Variants in OTOGL observed in about 807,000 individuals in gnomAD.
OTOGL encodes the protein otogelin-like protein.
In OTOGL, 285 loss-of-function variants were observed where a neutral mutation model predicts 318.5. That is an observed-to-expected ratio of 0.89 (90% CI 0.81 to 0.99). The LOEUF (loss-of-function observed/expected upper bound fraction) is 0.99, where lower values mean the gene tolerates loss of function less well. OTOGL is among the 50% of genes least tolerant of loss of function. The pLI, the probability that OTOGL is intolerant of heterozygous loss-of-function variation, is 0.00. For synonymous variants in OTOGL, 987 were observed against 936.5 expected (o/e 1.05, Z -0.99); for missense variants, 2,899 against 2,845.6 (o/e 1.02, Z -0.43).
At chr12:80,264,895 A>T in intron 19 of OTOGL, 106 bp from the exon 20 acceptor site, 1 of 1,161,906 alleles carries the variant, frequency 8.6e-7, no homozygotes, top group Non-Finnish European at 1.3e-6. Flanking sequence ...CTCTTGTATT[A>T]AAAGTAATAT....
At chr12:80,116,886 A>T (rs1870198309) in intron 1 of OTOGL, among the ~76,000 whole-genome samples, 1 of 152,212 alleles carries the variant, frequency 6.6e-6, no homozygotes, top group Admixed American at 6.5e-5. Context: ...CATTGCTCAA[A>T]TAATTCCATA....
chr12:80,363,218 G>T (rs1251067381), intron 52 of OTOGL, among the ~76,000 whole-genome samples: 1 of 152,038 alleles, frequency 6.6e-6, no homozygotes, highest in Non-Finnish European at 1.5e-5. Flanking sequence ...TAAGTTATGG[G>T]CAGTCATCAT....
At chr12:80,103,360 ATCT>A (rs1869259604) in intron 1 of OTOGL, 2 of 1,155,494 alleles carry the variant, frequency 1.7e-6, no homozygotes, top group African/African-American at 3.0e-5. Context: ...TCGGTGATCG[ATCT>A]TCTTTTCTTT....
chr12:80,108,783 A>ATG (rs1869615967), intron 1 of OTOGL, among the ~76,000 whole-genome samples: 3 of 126,058 alleles, frequency 2.4e-5, no homozygotes, highest in Non-Finnish European at 5.2e-5. Flanking sequence ...ATATATATAT[A>ATG]TATGTATATA....
In OTOGL at chr12:80,188,335, C is replaced by T. The variant is rs180803748; in HGVS notation, c.-19-21078C>T. The stretch of plus-strand genomic sequence containing the variant: ...CGGGCAGATCACGAGGTCAGGAGTT[C>T]GAGACCAGCCTGACCAACATGGTGA... On this transcript the variant is annotated intron_variant, in intron 1 of 58. Transcript: ENST00000547103. Among the ~76,000 whole-genome samples the T allele has an allele frequency of 6.1e-3, 930 of 151,848 alleles. 13 individuals carry two copies. The highest frequency in any genetic ancestry group is 0.021 in the African/African-American group (877 of 41,394).
intron 44 of OTOGL, among the ~76,000 whole-genome samples, chr12:80,351,962 T>C (rs1057233071): frequency 6.6e-6 from 1 of 152,240 alleles, no homozygotes; most frequent in African/African-American, 2.4e-5. Flanking sequence ...ATTTAATCTA[T>C]AATTTTTCAA....
At chr12:80,350,555 C>T (rs916424225) in intron 44 of OTOGL, among the ~76,000 whole-genome samples, 4 of 152,146 alleles carry the variant, frequency 2.6e-5, no homozygotes, top group Non-Finnish European at 4.4e-5. Flanking sequence ...CCTACATCCT[C>T]GCCAATGATC....
Position 80,356,340 on chromosome 12 carries a change from G to T in OTOGL, c.5807-76G>T, listed in dbSNP as rs559347610. 8.1e-5 allele frequency: 88 copies of T among 1,090,462 alleles called. No homozygotes were observed. The African/African-American group carries it at 1.4e-3, about 17-fold the overall frequency. 67.5% of individuals were successfully genotyped at this position (1,090,462 alleles called of 1,614,324 possible). ...TCTTTGAGTTTCCTGTCTTGAGTTG[G>T]CAGTCATTTCCCTGCTTTGAGTTGG... On this transcript the variant is annotated intron_variant, in intron 47 of 58. Coordinates refer to ENST00000547103, the MANE Select transcript of OTOGL (RefSeq NM_001378609.3).
At chr12:80,131,627 T>C (rs1871245873) in intron 1 of OTOGL, among the ~76,000 whole-genome samples, 1 of 152,190 alleles carries the variant, frequency 6.6e-6, no homozygotes. Flanking sequence ...GTGTGCTAGG[T>C]ACCATACAAT....
intron 43 of OTOGL, 47 bp downstream of exon 43, chr12:80,339,311 T>TG (rs1555300239): frequency 3.0e-5 from 43 of 1,426,598 alleles, no homozygotes; most frequent in Non-Finnish European, 4.0e-5. Flanking sequence ...TTTTTTTTTT[T>TG]TTTTTTTTTT....
chr12:80,296,921 G>C lies in OTOGL; in HGVS notation c.3023G>C (p.Gly1008Ala), dbSNP rs949156394. 5.8e-6 allele frequency: 9 copies of C among 1,551,012 alleles called. No individual in the cohort carries two copies. The African/African-American group carries it at 1.1e-4, about 19-fold the overall frequency. ...VCSKSVLISV[G>A]DTEIYLNDTP... ...TCTAAAAGTGTTTTGATTTCAGTTG[G>C]GGACACTGAAATTTACCTGAATGAT... The change falls in exon 27 of 59, where the codon GGG becomes GCG. Residue 1008 changes from glycine to alanine, a missense_variant. By Grantham distance (60) the Gly-to-Ala change is moderately conservative. Coordinates refer to ENST00000547103, the MANE Select transcript of OTOGL (RefSeq NM_001378609.3).
intron 1 of OTOGL, among the ~76,000 whole-genome samples, chr12:80,111,005 G>C (rs766820387): frequency 3.9e-5 from 6 of 152,248 alleles, no homozygotes; most frequent in Non-Finnish European, 8.8e-5. Flanking sequence ...GACCAGTGAT[G>C]ATGAGCTTTT....
chr12:80,326,690 T>C (rs1439009493), intron 35 of OTOGL, among the ~76,000 whole-genome samples: 1 of 152,246 alleles, frequency 6.6e-6, no homozygotes, highest in African/African-American at 2.4e-5. Context: ...AAAGTTTTAT[T>C]ACTCAACTTC....
chr12:80,360,287 T>C (rs926329205), intron 52 of OTOGL, among the ~76,000 whole-genome samples: 1 of 151,964 alleles, frequency 6.6e-6, no homozygotes, highest in African/African-American at 2.4e-5. Context: ...AAGTCTGACC[T>C]AGCCCTTTTC....
At chr12:80,341,098 G>C (rs1466845271) in intron 43 of OTOGL, among the ~76,000 whole-genome samples, 4 of 151,992 alleles carry the variant, frequency 2.6e-5, no homozygotes, top group African/African-American at 9.7e-5. Context: ...AGAGTCTTGG[G>C]AATTAAGAAA....
At chr12:80,297,365 T>G (rs2137713367) in intron 27 of OTOGL, among the ~76,000 whole-genome samples, 1 of 149,240 alleles carries the variant, frequency 6.7e-6, no homozygotes, top group East Asian at 2.1e-4. Context: ...AGAGTCTCAC[T>G]CTGTTGCCCA....
chr12:80,380,647 G>A lies in OTOGL; in HGVS notation c.*2599G>A, dbSNP rs2138143038. 1 of 152,158 alleles carries A rather than the reference G, an allele frequency of 6.6e-6. No individual in the cohort carries two copies. The allele number at this position is 152,158 out of a possible 1,614,324, so 9.4% of individuals were successfully genotyped here. ...CTTTTATTTTTTAAGGCTCTGGGAA[G>A]ATAAGCACTCTCACATGTCATTGAT... On this transcript the variant is annotated 3_prime_UTR_variant, in exon 59 of 59. Transcript: ENST00000547103.
intron 1 of OTOGL, among the ~76,000 whole-genome samples, chr12:80,124,972 T>A (rs1190024839): frequency 6.6e-6 from 1 of 152,252 alleles, no homozygotes; most frequent in Non-Finnish European, 1.5e-5. Flanking sequence ...TACACAATCA[T>A]GTCATCTGCA....
chr12:80,223,833 A>G (rs1456013503), intron 7 of OTOGL, among the ~76,000 whole-genome samples: 4 of 151,804 alleles, frequency 2.6e-5, no homozygotes, highest in Admixed American at 1.3e-4. Context: ...ATATTAGTCC[A>G]TTGTTGGATG....
Sources: allele counts gnomAD v4.1 joint callset (sites outside exome capture counted in the v4.1 genomes callset), GRCh38; gene constraint gnomAD v4.1.1; transcripts MANE v1.5; gene names NCBI Gene and HGNC (gene_info 2026-07-23, HGNC 2026-07-21).